Variants in KIDINS220 observed in about 807,000 individuals in gnomAD.
The protein encoded by KIDINS220 is kinase D-interacting substrate of 220 kDa.
In KIDINS220, 63 loss-of-function variants were observed where a neutral mutation model predicts 157.6. That is an observed-to-expected ratio of 0.40 (90% CI 0.33 to 0.49). KIDINS220 has a LOEUF of 0.49. Ranked by LOEUF, KIDINS220 falls within the 20% of genes least tolerant of loss-of-function variation. The probability of loss-of-function intolerance (pLI) is 0.66; values close to 1 mark genes in which losing one functional copy is unlikely to be tolerated. For missense variants in KIDINS220, 1,772 were observed against 2,171.2 expected (o/e 0.82, Z 3.65); for synonymous variants, 732 against 783.6 (o/e 0.93, Z 1.10).
At chr2:8,820,414 CAA>C (rs1484067350) in intron 2 of KIDINS220, among the ~76,000 whole-genome samples, 16 of 152,262 alleles carry the variant, frequency 1.1e-4, no homozygotes, top group African/African-American at 3.9e-4. Flanking sequence ...AACGAGTGAG[CAA>C]AGTCTCAAAG....
intron 26 of KIDINS220, among the ~76,000 whole-genome samples, chr2:8,745,990 GTTCT>G (rs926159449): frequency 1.3e-5 from 2 of 149,134 alleles, no homozygotes; most frequent in African/African-American, 4.9e-5. Flanking sequence ...TACAAACTGG[GTTCT>G]TTTTTTTTTT....
chr2:8,804,254 A>G (rs1675127463), intron 7 of KIDINS220, among the ~76,000 whole-genome samples: 1 of 152,250 alleles, frequency 6.6e-6, no homozygotes, highest in Admixed American at 6.5e-5. Flanking sequence ...TATGACATAA[A>G]GAGTTTACTC....
chr2:8,837,042 G>T (rs995661213), intron 1 of KIDINS220, among the ~76,000 whole-genome samples: 2 of 152,174 alleles, frequency 1.3e-5, no homozygotes, highest in African/African-American at 2.4e-5. Flanking sequence ...ATAAAAGCAA[G>T]GGAGAAAACA....
chr2:8,821,676 T>C (rs1264888442), intron 2 of KIDINS220, among the ~76,000 whole-genome samples: 1 of 152,216 alleles, frequency 6.6e-6, no homozygotes, highest in Non-Finnish European at 1.5e-5. Context: ...TTCCATGCAC[T>C]ACAAAGCAAT....
Position 8,729,210 on chromosome 2 carries a change from A to G in KIDINS220, c.*1510T>C. On this transcript the variant is annotated 3_prime_UTR_variant, in exon 30 of 30. Transcript: ENST00000256707. ...AAAGATCATGCAAAATAAACACTGT[A>G]TTAAAATGCTAGATTACACTCAAAC... 1 of 985,230 alleles carries G rather than the reference A, an allele frequency of 1.0e-6. No individual in the cohort carries two copies. The allele number at this position is 985,230 out of a possible 1,614,324, so 61.0% of individuals were successfully genotyped here.
chr2:8,778,900 A>T lies in KIDINS220; in HGVS notation c.2610T>A (p.Thr870=). The part of the protein sequence containing the change: ...ATNGDVPCSD[T]TGIQEDADRR... ...CTTTAGGAGCCTGAGCTTTACCTGT[A>T]GTATCTGAGCATGGAACGTCTCCAT... Residue 870 remains threonine (T), a synonymous_variant, in exon 19 of 30, where the codon ACT becomes ACA. Coordinates refer to ENST00000256707, the MANE Select transcript of KIDINS220 (RefSeq NM_020738.4). The T allele has an allele frequency of 6.2e-7, 1 of 1,614,086 alleles. No homozygotes were observed. The highest frequency in any genetic ancestry group is 1.1e-5 in the South Asian group (1 of 91,080).
At chr2:8,755,310 G>A (rs918936877) in intron 22 of KIDINS220, among the ~76,000 whole-genome samples, 4 of 152,096 alleles carry the variant, frequency 2.6e-5, no homozygotes, top group African/African-American at 7.2e-5. Flanking sequence ...CAAGCCCCCA[G>A]AGCATATATA....
chr2:8,739,942 C>T (rs1484284179), intron 26 of KIDINS220, among the ~76,000 whole-genome samples: 1 of 152,224 alleles, frequency 6.6e-6, no homozygotes, highest in Non-Finnish European at 1.5e-5. Context: ...ATTAGAACTA[C>T]ACTCTGACAC....
intron 1 of KIDINS220, among the ~76,000 whole-genome samples, chr2:8,828,134 C>T (rs189012608): frequency 3.5e-4 from 54 of 152,354 alleles, no homozygotes; most frequent in Admixed American, 2.2e-3. Flanking sequence ...ACCTGTGTGA[C>T]ACCTGTGACT....
intron 6 of KIDINS220, among the ~76,000 whole-genome samples, chr2:8,811,573 T>C (rs964770759): frequency 1.3e-5 from 2 of 152,070 alleles, no homozygotes; most frequent in African/African-American, 4.8e-5. Context: ...CACAGAACAT[T>C]AGACAATCGG....
intron 1 of KIDINS220, among the ~76,000 whole-genome samples, chr2:8,829,611 T>C (rs1344949236): frequency 6.6e-6 from 1 of 152,092 alleles, no homozygotes; most frequent in African/African-American, 2.4e-5. Flanking sequence ...TACAGAAAAA[T>C]GCTCATGATA....
chr2:8,810,479 T>C (rs1318387946), intron 6 of KIDINS220, among the ~76,000 whole-genome samples: 5 of 152,182 alleles, frequency 3.3e-5, no homozygotes, highest in African/African-American at 9.7e-5. Flanking sequence ...TAAAGGCTTC[T>C]CTATGATAAT....
chr2:8,729,269 T>G lies in KIDINS220; in HGVS notation c.*1451A>C. On this transcript the variant is annotated 3_prime_UTR_variant, in exon 30 of 30. Coordinates refer to ENST00000256707, the MANE Select transcript of KIDINS220 (RefSeq NM_020738.4). ...AATGAAACACAAAAGAGCAACTATTTAGCACAATGACTGGCCCAGTAAATA... is the reference window on the plus strand; with the variant it reads ...AATGAAACACAAAAGAGCAACTATTGAGCACAATGACTGGCCCAGTAAATA... 2 of 985,356 alleles carry G rather than the reference T, an allele frequency of 2.0e-6. No individual in the cohort carries two copies. The highest frequency in any genetic ancestry group is 2.4e-6 in the Non-Finnish European group (2 of 829,872). The allele number at this position is 985,356 out of a possible 1,614,324, so 61.0% of individuals were successfully genotyped here.
chr2:8,753,304 G>GCAATATGTTT (rs1291918321), intron 22 of KIDINS220, among the ~76,000 whole-genome samples: 2 of 152,238 alleles, frequency 1.3e-5, no homozygotes, highest in African/African-American at 4.8e-5. Flanking sequence ...AGAGTGTATA[G>GCAATATGTTT]CAATATGTTT....
intron 6 of KIDINS220, among the ~76,000 whole-genome samples, chr2:8,807,644 C>A (rs959699923): frequency 9.2e-5 from 14 of 152,302 alleles, no homozygotes; most frequent in Non-Finnish European, 1.9e-4. Flanking sequence ...AGCAACCAAC[C>A]ACACTGTTGA....
chr2:8,815,519 G>A (rs764782559), intron 4 of KIDINS220, among the ~76,000 whole-genome samples: 15 of 151,890 alleles, frequency 9.9e-5, no homozygotes, highest in Admixed American at 3.3e-4. Context: ...AATACAAAAA[G>A]TTAGCCAGGT....
At chr2:8,761,165 G>A (rs937460825) in intron 22 of KIDINS220, among the ~76,000 whole-genome samples, 2 of 152,184 alleles carry the variant, frequency 1.3e-5, no homozygotes, top group African/African-American at 4.8e-5. Context: ...GCTACCAAGT[G>A]ATGAATTGTC....
chr2:8,781,153 A>ATATAATATATATAT (rs70946383), intron 17 of KIDINS220, among the ~76,000 whole-genome samples: 2 of 130,410 alleles, frequency 1.5e-5, no homozygotes, highest in African/African-American at 5.7e-5. Context: ...ATATATATAT[A>ATATAATATATATAT]ATATATATAT....
intron 21 of KIDINS220, among the ~76,000 whole-genome samples, chr2:8,772,483 C>CA (rs1031211574): frequency 6.7e-5 from 10 of 149,160 alleles, no homozygotes; most frequent in East Asian, 2.0e-4. Context: ...CGAAAAAAAA[C>CA]AAAAAAAAGC....
Sources: gnomAD v4.1 joint callset for allele counts (sites outside exome capture counted in the v4.1 genomes callset) on GRCh38, gnomAD v4.1.1 for gene constraint, MANE v1.5 for transcripts, NCBI Gene and HGNC (gene_info 2026-07-23, HGNC 2026-07-21) for gene names.